The following POU2F2 variants were observed in gnomAD, a reference collection of about 807,000 sequenced individuals.
POU2F2 encodes POU class 2 homeobox 2.
POU2F2 carries 14 observed loss-of-function variants against 63.5 expected under a neutral mutation model. The observed-to-expected ratio is 0.22, with a 90% CI of 0.15 to 0.34. POU2F2 has a LOEUF of 0.34. Among genes scored for constraint, POU2F2 ranks in the 10% least tolerant of loss-of-function variants. POU2F2 has a pLI of 1.00. For synonymous variants in POU2F2, 306 were observed against 348.6 expected (o/e 0.88, Z 1.36); for missense variants, 607 against 815.2 (o/e 0.74, Z 3.11).
upstream of POU2F2, among the ~76,000 whole-genome samples, chr19:42,179,882 T>C (rs965688762): frequency 2.0e-5 from 3 of 152,148 alleles, no homozygotes; most frequent in Non-Finnish European, 4.4e-5. Flanking sequence ...CCGCACTGTG[T>C]GCGCAACACA....
chr19:42,127,141 A>C (rs2146678533), intron 1 of POU2F2, among the ~76,000 whole-genome samples: 1 of 151,676 alleles, frequency 6.6e-6, no homozygotes, highest in South Asian at 2.1e-4. Context: ...TTTTTTGTAG[A>C]GACGGGTCTC....
At chr19:42,098,779 A>G (rs1040200615) in intron 7 of POU2F2, among the ~76,000 whole-genome samples, 1 of 152,252 alleles carries the variant, frequency 6.6e-6, no homozygotes, top group African/African-American at 2.4e-5. Context: ...AAAAATGGGT[A>G]GAAAAAAACT....
Position 42,105,997 on chromosome 19 carries a change from T to TTTTTTC in POU2F2, c.370-6182_370-6177dup, listed in dbSNP as rs1258178357. Among the ~76,000 whole-genome samples, 16 of 140,936 alleles carry TTTTTTC rather than the reference T, an allele frequency of 1.1e-4. No individual in the cohort carries two copies. In the South Asian group the frequency reaches 3.3e-3, roughly 29 times the overall value. 92.5% of individuals were successfully genotyped at this position (140,936 alleles called of 152,430 possible). A position where few individuals can be genotyped will look rare whatever the true frequency, so the allele number is the denominator to read the frequency against. On this transcript the variant is annotated intron_variant, in intron 5 of 14. Transcript: ENST00000692977. Reference sequence around the variant, plus strand: ...TAACATATGATATATAGGATCTTTCTTTTTTCTTTCTTTCTTTCTTTCTTT... The same window carrying TTTTTTC: ...TAACATATGATATATAGGATCTTTCTTTTTTCTTTTTCTTTCTTTCTTTCTTTCTTT...
At chr19:42,146,098 A>AC (rs1175911467) in intron 2 of POU2F2, among the ~76,000 whole-genome samples, 2 of 151,832 alleles carry the variant, frequency 1.3e-5, no homozygotes, top group African/African-American at 4.8e-5. Flanking sequence ...GAAGCCCTCC[A>AC]CCTACTATTA....
chr19:42,095,509 C>T lies in POU2F2; in HGVS notation c.1020+36G>A, dbSNP rs370251919. 1.2e-6 allele frequency: 2 copies of T among 1,604,314 alleles called. No homozygotes were observed. Among genetic ancestry groups the T allele is most frequent in the Non-Finnish European group, 1.7e-6 (2 of 1,175,504 alleles). ...GCCCGAGGCCCACCGCCCGCCACCC[C>T]TCAGGTGAGGGCCACCCAGGAGAGG... On this transcript the variant is annotated intron_variant, in intron 10 of 14. Coordinates refer to ENST00000692977, the MANE Select transcript of POU2F2 (RefSeq NM_001394376.1). This position sits in a 1 kb window ranked among gnomAD's most constrained non-coding sequence, Gnocchi z 7.1.
chr19:42,103,633 T>C (rs868634254), intron 5 of POU2F2, among the ~76,000 whole-genome samples: 59 of 142,796 alleles, frequency 4.1e-4, no homozygotes, highest in South Asian at 4.0e-3. Flanking sequence ...GTTTCTTTTT[T>C]TTTTTTTTTT....
chr19:42,163,992 C>T (rs1599697472), intron 1 of POU2F2, among the ~76,000 whole-genome samples: 1 of 152,094 alleles, frequency 6.6e-6, no homozygotes, highest in East Asian at 1.9e-4. Context: ...AAGTTATAAA[C>T]AAGTATGTAG....
chr19:42,196,351 C>G (rs1247698523), intron 1 of POU2F2: 1 of 152,244 alleles, frequency 6.6e-6, no homozygotes, highest in African/African-American at 2.4e-5. Context: ...TGCTGACCCT[C>G]GAATGGGTGG....
chr19:42,100,085 CTTTTTTTTTT>C (rs948283094), intron 5 of POU2F2, among the ~76,000 whole-genome samples: 52 of 77,078 alleles, frequency 6.7e-4, no homozygotes, highest in Non-Finnish European at 8.5e-4. Flanking sequence ...CCCTTTCTTT[CTTTTTTTTTT>C]TTTTTTTTTT....
At chr19:42,178,832 A>G (rs2034927205), upstream of POU2F2, among the ~76,000 whole-genome samples, 2 of 152,176 alleles carry the variant, frequency 1.3e-5, no homozygotes, top group African/African-American at 4.8e-5. Flanking sequence ...AAAGAAATAC[A>G]GAGATGGTGA....
intron 14 of POU2F2, 39 bp from the exon 15 acceptor site, chr19:42,091,630 G>A (rs371788135): frequency 7.1e-4 from 1,092 of 1,541,228 alleles, no homozygotes; most frequent in Non-Finnish European, 7.8e-4. Context: ...AGGGCATGCC[G>A]GGCCAGGGGA....
chr19:42,145,677 G>A (rs1211592811), intron 2 of POU2F2, among the ~76,000 whole-genome samples: 1 of 152,212 alleles, frequency 6.6e-6, no homozygotes, highest in African/African-American at 2.4e-5. Flanking sequence ...GCTCATGCCT[G>A]TAATCCCAGC....
chr19:42,174,710 T>C (rs1389204062), intron 1 of POU2F2, among the ~76,000 whole-genome samples: 1 of 151,760 alleles, frequency 6.6e-6, no homozygotes, highest in East Asian at 1.9e-4. Flanking sequence ...CATGCTGCCG[T>C]CATGGTCTGA....
At chr19:42,166,715 A>C (rs1006174705) in intron 1 of POU2F2, among the ~76,000 whole-genome samples, 3 of 152,068 alleles carry the variant, frequency 2.0e-5, no homozygotes, top group Non-Finnish European at 2.9e-5. Flanking sequence ...ATGAGGGTGC[A>C]GGATGGGAGC....
intron 11 of POU2F2, among the ~76,000 whole-genome samples, chr19:42,094,698 AG>A (rs1385179354): frequency 1.3e-5 from 2 of 152,224 alleles, no homozygotes; most frequent in African/African-American, 4.8e-5. Flanking sequence ...ACACTGGTCC[AG>A]GAAGGCTCTT....
chr19:42,101,506 G>A (rs1289997522), intron 5 of POU2F2, among the ~76,000 whole-genome samples: 1 of 152,142 alleles, frequency 6.6e-6, no homozygotes, highest in Non-Finnish European at 1.5e-5. Flanking sequence ...AAGGAGAGAG[G>A]CCTGGAACAG....
intron 1 of POU2F2, among the ~76,000 whole-genome samples, chr19:42,182,244 GA>G (rs2034970053): frequency 8.2e-6 from 1 of 122,252 alleles, no homozygotes; most frequent in Non-Finnish European, 1.7e-5. Context: ...TGTCTCAAAA[GA>G]GAGAGAGAGA....
chr19:42,124,793 T>A (rs1216791004), intron 1 of POU2F2, among the ~76,000 whole-genome samples: 1 of 152,206 alleles, frequency 6.6e-6, no homozygotes, highest in African/African-American at 2.4e-5. Flanking sequence ...TGAGGCTGAA[T>A]GAAAGATGCC....
At chr19:42,097,022 T>G (rs1400725245) in intron 7 of POU2F2, among the ~76,000 whole-genome samples, 3 of 149,638 alleles carry the variant, frequency 2.0e-5, no homozygotes, top group African/African-American at 7.3e-5. Flanking sequence ...AAAAAAGGAC[T>G]GGGAGGGCAA....
Sources: allele counts gnomAD v4.1 joint callset (sites outside exome capture counted in the v4.1 genomes callset), GRCh38; gene constraint gnomAD v4.1.1; non-coding constraint Gnocchi (gnomAD v3.1); transcripts MANE v1.5; gene names NCBI Gene and HGNC (gene_info 2026-07-23, HGNC 2026-07-21).